Variants in CSMD2 observed in about 807,000 individuals in gnomAD.
CSMD2 encodes CUB and sushi domain-containing protein 2.
In CSMD2, 130 loss-of-function variants were observed where a neutral mutation model predicts 398.5. The ratio of observed to expected loss-of-function variants is 0.33; its 90% CI spans 0.28 to 0.38. CSMD2 has a LOEUF of 0.38. CSMD2 is among the 10% of genes least tolerant of loss of function. The probability of loss-of-function intolerance (pLI) is 1.00; values close to 1 mark genes in which losing one functional copy is unlikely to be tolerated. For synonymous variants in CSMD2, 1,828 were observed against 1,908.5 expected (o/e 0.96, Z 1.10); for missense variants, 3,829 against 4,764.9 (o/e 0.80, Z 5.78).
rs546120330 is a variant in CSMD2, at chr1:33,865,329, C to T, written c.921-18333G>A. On this transcript the variant is annotated intron_variant, in intron 5 of 70. Transcript: ENST00000373381. Reference sequence around the variant, plus strand: ...CAGGATTTCCAGCAACACTTAGATACGCTCAGTGGGGCCAGGGTGAACTCC... The same window carrying T: ...CAGGATTTCCAGCAACACTTAGATATGCTCAGTGGGGCCAGGGTGAACTCC... 3.3e-5 allele frequency among the ~76,000 whole-genome samples: 5 copies of T among 149,490 alleles called. No homozygotes were observed. The East Asian group carries it at 8.1e-4, about 24-fold the overall frequency.
At chr1:33,721,781 A>C (rs1055787018) in intron 19 of CSMD2, among the ~76,000 whole-genome samples, 4 of 152,230 alleles carry the variant, frequency 2.6e-5, no homozygotes, top group African/African-American at 7.2e-5. Context: ...TGGGACTATA[A>C]ATGACTTTTC....
At chr1:34,094,324 T>C (rs559356357) in intron 1 of CSMD2, among the ~76,000 whole-genome samples, 7 of 151,316 alleles carry the variant, frequency 4.6e-5, no homozygotes, top group Non-Finnish European at 8.9e-5. Flanking sequence ...GTAACGACCA[T>C]CGAGACTAGG....
intron 2 of CSMD2, among the ~76,000 whole-genome samples, chr1:34,052,480 T>C (rs1653307159): frequency 7.0e-6 from 1 of 141,880 alleles, no homozygotes; most frequent in Non-Finnish European, 1.5e-5. Context: ...GAGAAATCAA[T>C]CCCCTATGGG....
In CSMD2 at chr1:33,537,410, G is replaced by A. The variant is rs774046522; in HGVS notation, c.9805+26C>T. 3.8e-6 allele frequency: 6 copies of A among 1,589,322 alleles called. No homozygotes were observed. The highest frequency in any genetic ancestry group is 1.3e-5 in the African/African-American group (1 of 74,234). On this transcript the variant is annotated intron_variant, in intron 61 of 70. Coordinates refer to ENST00000373381, the MANE Select transcript of CSMD2 (RefSeq NM_001281956.2). The surrounding 1 kb of genome is among the most constrained non-coding windows in gnomAD (Gnocchi z 4.6). ...GGTCTCCCGCAACCCCAGCCAAGAC[G>A]CTCCCTGCTCCAGATGACCTCTCAC...
Position 33,611,028 on chromosome 1 carries a change from T to G in CSMD2, c.6343+13A>C. ...ATAGACAGAGAAGCAAAGGCGGTGC[T>G]CCTTGTCCTTACCCTGATACTCCAG... is the stretch of plus-strand genomic sequence containing the variant. On this transcript the variant is annotated intron_variant, in intron 41 of 70. Coordinates refer to ENST00000373381, the MANE Select transcript of CSMD2 (RefSeq NM_001281956.2). The G allele has an allele frequency of 6.2e-7, 1 of 1,611,890 alleles. No homozygotes were observed. The highest frequency in any genetic ancestry group is 8.5e-7 in the Non-Finnish European group (1 of 1,178,822).
At chr1:33,982,480 G>A (rs546708221) in intron 3 of CSMD2, among the ~76,000 whole-genome samples, 1 of 152,328 alleles carries the variant, frequency 6.6e-6, no homozygotes, top group Admixed American at 6.5e-5. Context: ...GTGGAAGGGA[G>A]GAGAGAGGTT....
At chr1:33,670,326 G>A (rs1339907070) in intron 25 of CSMD2, among the ~76,000 whole-genome samples, 1 of 152,162 alleles carries the variant, frequency 6.6e-6, no homozygotes, top group Non-Finnish European at 1.5e-5. Flanking sequence ...CTAGCCCCTT[G>A]GTGAATGTTG....
At chr1:33,974,533 A>C (rs1408398070) in intron 3 of CSMD2, among the ~76,000 whole-genome samples, 1 of 152,194 alleles carries the variant, frequency 6.6e-6, no homozygotes, top group East Asian at 1.9e-4. Flanking sequence ...AACGATCCCC[A>C]TTTTACAGAT....
chr1:34,086,267 T>C (rs1657878389), intron 2 of CSMD2, among the ~76,000 whole-genome samples: 1 of 152,230 alleles, frequency 6.6e-6, no homozygotes, highest in Non-Finnish European at 1.5e-5. Context: ...TGGTGTCACA[T>C]GAGCTCAAAA....
At chr1:33,952,675 TACACACACACACAC>T (rs71740719) in intron 3 of CSMD2, among the ~76,000 whole-genome samples, 1 of 148,718 alleles carries the variant, frequency 6.7e-6, no homozygotes, top group African/African-American at 2.5e-5. Flanking sequence ...TTTTGTTGTT[TACACACACACACAC>T]ACACACACAC....
At chr1:33,751,681 G>T (rs1038064984) in intron 13 of CSMD2, among the ~76,000 whole-genome samples, 2 of 152,162 alleles carry the variant, frequency 1.3e-5, no homozygotes, top group Admixed American at 6.5e-5. Flanking sequence ...GAGTGCAGTG[G>T]CGCAATCTTG....
intron 10 of CSMD2, among the ~76,000 whole-genome samples, chr1:33,793,393 A>C (rs1357979707): frequency 6.6e-6 from 1 of 152,172 alleles, no homozygotes; most frequent in Admixed American, 6.5e-5. Context: ...CAGAGATGGA[A>C]CATTCCAGAA....
At chr1:33,774,737 G>A (rs6679294) in intron 12 of CSMD2, among the ~76,000 whole-genome samples, 9,453 of 152,212 alleles carry the variant, frequency 0.062, 358 homozygotes, top group Admixed American at 0.099. Flanking sequence ...GTCTGAGGCT[G>A]TGATTGGCTT....
rs77665893 is a variant in CSMD2 at position 34,116,858 on chromosome 1, T to A, written c.188-27665A>T. 8.8e-3 allele frequency among the ~76,000 whole-genome samples: 1,330 copies of A among 151,998 alleles called. 20 individuals are homozygous for A. Among genetic ancestry groups the A allele is most frequent in the African/African-American group, 0.03 (1,256 of 41,492 alleles). On this transcript the variant is annotated intron_variant, in intron 1 of 70. Coordinates refer to ENST00000373381, the MANE Select transcript of CSMD2 (RefSeq NM_001281956.2). ...AAAAGGAAAACTGGAAATTCATAAA[T>A]ATATGAAAATTAAACACCATACTCT...
chr1:33,997,789 C>T (rs972378861), intron 3 of CSMD2, among the ~76,000 whole-genome samples: 15 of 152,110 alleles, frequency 9.9e-5, no homozygotes, highest in Non-Finnish European at 2.2e-4. Flanking sequence ...GGATGAAATG[C>T]GAGGATCTGT....
At chr1:33,649,472 T>C (rs894629274) in intron 28 of CSMD2, among the ~76,000 whole-genome samples, 36 of 152,272 alleles carry the variant, frequency 2.4e-4, no homozygotes, top group Non-Finnish European at 2.8e-4. Context: ...GGCGAAACCC[T>C]GTCTCTACTA....
chr1:33,693,141 C>T, intron 24 of CSMD2, 85 bp from the exon 25 acceptor site: 1 of 1,438,168 alleles, frequency 7.0e-7, no homozygotes, highest in Non-Finnish European at 9.2e-7. Flanking sequence ...CCTGTTTGCT[C>T]TTGAGTCCCT....
At position 33,602,423 on chromosome 1, in the gene CSMD2, C is replaced by T. The variant is rs373586316; in HGVS notation, c.6656G>A (p.Arg2219His). The T allele has an allele frequency of 2.7e-4, 433 of 1,613,888 alleles. 1 individual carries two copies. Among genetic ancestry groups the T allele is most frequent in the South Asian group, 2.2e-3 (201 of 91,054 alleles). Residue 2219 changes from arginine to histidine, a missense_variant, in exon 43 of 71, where the codon CGC becomes CAC. This residue lies in a region of CSMD2 where 723 missense variants were observed against 758.6 expected (regional missense o/e 0.95). Coordinates refer to ENST00000373381, the MANE Select transcript of CSMD2 (RefSeq NM_001281956.2). ...TGTCTGCAGCAGGCTGAGGTTGAGG[C>T]GGACGCCATGGCCAATGGGCACGGT... ...LITVPIGHGV[R>H]LNLSLLQTEP...
At chr1:33,640,207 C>G (rs959464442) in intron 29 of CSMD2, among the ~76,000 whole-genome samples, 10 of 152,162 alleles carry the variant, frequency 6.6e-5, no homozygotes, top group Non-Finnish European at 1.2e-4. Context: ...CTGCAAAAAT[C>G]TGAATATAAC....
Sources: allele counts gnomAD v4.1 joint callset (sites outside exome capture counted in the v4.1 genomes callset), GRCh38; gene constraint gnomAD v4.1.1; regional missense constraint gnomAD v4.1.1; non-coding constraint Gnocchi (gnomAD v3.1); transcripts MANE v1.5; gene names NCBI Gene and HGNC (gene_info 2026-07-23, HGNC 2026-07-21).